The following CNTRL variants were observed in gnomAD, a reference collection of about 807,000 sequenced individuals.
CNTRL encodes centriolin.
In CNTRL, 233 loss-of-function variants were observed where a neutral mutation model predicts 303.7. The observed-to-expected ratio is 0.77, with a 90% CI of 0.69 to 0.86. The LOEUF (loss-of-function observed/expected upper bound fraction) is 0.86, where lower values mean the gene tolerates loss of function less well. CNTRL is among the 40% of genes least tolerant of loss of function. CNTRL has a pLI of 0.00. For synonymous variants in CNTRL, 900 were observed against 922.2 expected, an observed-to-expected ratio of 0.98 and a Z score of 0.44; for missense variants, 2,524 against 2,650.6, an observed-to-expected ratio of 0.95 and a Z score of 1.05.
At chr9:121,124,774 CAAA>C (rs5900470) in intron 13 of CNTRL, among the ~76,000 whole-genome samples, 2 of 102,114 alleles carry the variant, frequency 2.0e-5, no homozygotes. Context: ...CCCGTCTCTA[CAAA>C]AAAAAAAAAA....
intron 14 of CNTRL, among the ~76,000 whole-genome samples, chr9:121,131,399 C>T (rs1480269554): frequency 2.6e-5 from 4 of 152,274 alleles, no homozygotes; most frequent in African/African-American, 4.8e-5. Context: ...CCTTCTTTGT[C>T]GCTTTTGATC....
chr9:121,145,978 C>CA, intron 22 of CNTRL, 130 bp from the exon 23 acceptor site: 1 of 747,870 alleles, frequency 1.3e-6, no homozygotes, highest in Non-Finnish European at 2.1e-6. Flanking sequence ...TTTGACTTAC[C>CA]AAAGGGCAGA....
chr9:121,080,622 C>G (rs2048101045), intron 2 of CNTRL, 144 bp downstream of exon 2: 1 of 152,258 alleles, frequency 6.6e-6, no homozygotes, highest in Non-Finnish European at 1.5e-5. Flanking sequence ...AGTGATCAAA[C>G]TGGGAAAATA....
chr9:121,097,749 A>G (rs2048952753), intron 6 of CNTRL, among the ~76,000 whole-genome samples: 1 of 152,206 alleles, frequency 6.6e-6, no homozygotes, highest in Non-Finnish European at 1.5e-5. Context: ...CAGCTGTGCA[A>G]TAGGAAAATC....
chr9:121,148,530 C>T, intron 23 of CNTRL, 142 bp from the exon 24 acceptor site: 1 of 701,326 alleles, frequency 1.4e-6, no homozygotes, highest in Non-Finnish European at 2.4e-6. Flanking sequence ...CACCTCACTT[C>T]TGTGAAAAAT....
intron 14 of CNTRL, among the ~76,000 whole-genome samples, chr9:121,134,591 G>A (rs895762245): frequency 6.6e-6 from 1 of 152,078 alleles, no homozygotes; most frequent in African/African-American, 2.4e-5. Context: ...CACTGTACCC[G>A]GCCCTAAGGT....
chr9:121,128,972 C>T (rs1044086153), intron 14 of CNTRL, among the ~76,000 whole-genome samples: 1 of 151,296 alleles, frequency 6.6e-6, no homozygotes, highest in African/African-American at 2.4e-5. Context: ...TTTATTTCTG[C>T]AGTCTCTGTT....
intron 3 of CNTRL, among the ~76,000 whole-genome samples, chr9:121,089,792 T>C (rs1401330840): frequency 6.6e-6 from 1 of 152,180 alleles, no homozygotes; most frequent in Non-Finnish European, 1.5e-5. Context: ...AGTTCTGGAT[T>C]TGTGCCTTAA....
At chr9:121,121,351 A>C (rs1451505650) in intron 12 of CNTRL, among the ~76,000 whole-genome samples, 2 of 152,210 alleles carry the variant, frequency 1.3e-5, no homozygotes, top group African/African-American at 2.4e-5. Flanking sequence ...TTATTGTTTT[A>C]GAAAGAGGTG....
chr9:121,099,871 A>G (rs2049063927), intron 7 of CNTRL, among the ~76,000 whole-genome samples: 1 of 152,176 alleles, frequency 6.6e-6, no homozygotes, highest in African/African-American at 2.4e-5. Context: ...AAAGAGTAAA[A>G]AAAAATGAAC....
At chr9:121,091,699 C>T (rs568565853) in intron 4 of CNTRL, among the ~76,000 whole-genome samples, 1 of 152,048 alleles carries the variant, frequency 6.6e-6, no homozygotes, top group South Asian at 2.1e-4. Context: ...CAAAAATTAG[C>T]CAGGCGTAGT....
At position 121,146,221 on chromosome 9, in the gene CNTRL, T is replaced by C. The variant is rs1159903914; in HGVS notation, c.3424T>C (p.Tyr1142His). Reference protein sequence around the residue: ...SMADPFKRRGYWYFMPPPPSS... With the variant: ...SMADPFKRRGHWYFMPPPPSS... ...GGCAGATCCTTTCAAAAGACGAGGC[T>C]ATTGGTACTTTATGCCACCACCACC... Residue 1142 changes from tyrosine (Y) to histidine (H), a missense_variant, in exon 23 of 44, where the codon TAT (tyrosine) becomes CAT (histidine). Transcript: ENST00000373855. The C allele has an allele frequency of 1.2e-6, 2 of 1,613,220 alleles. No homozygotes were observed. The highest frequency in any genetic ancestry group is 1.7e-6 in the Non-Finnish European group (2 of 1,179,806).
chr9:121,158,514 G>T (rs77259556), intron 30 of CNTRL: 2 of 231,066 alleles, frequency 8.7e-6, no homozygotes, highest in African/African-American at 2.3e-5. Context: ...TTTTAAAAAT[G>T]AATACATTTT....
In CNTRL at chr9:121,169,675, G is replaced by C. The variant is rs368876846; in HGVS notation, c.6135G>C (p.Gln2045His). The C allele has an allele frequency of 1.2e-6, 2 of 1,614,062 alleles. No homozygotes were observed. Among genetic ancestry groups the C allele is most frequent in the Non-Finnish European group, 1.7e-6 (2 of 1,180,032 alleles). ...VEKSGELLALQKEADSMRADF... is the reference protein window; with the variant it reads ...VEKSGELLALHKEADSMRADF... The stretch of plus-strand genomic sequence containing the variant: ...AATCAGGTGAGCTGTTGGCCCTCCA[G>C]AAAGAGGCAGATTCTATGAGGGCAG... Residue 2045 changes from glutamine to histidine, a missense_variant, in exon 39 of 44, where the codon CAG becomes CAC. Gln to His is a conservative substitution (Grantham distance 24). Transcript: ENST00000373855.
Position 121,074,985 on chromosome 9 carries a change from C to T in CNTRL, c.-287C>T, listed in dbSNP as rs1422722029. On this transcript the variant is annotated 5_prime_UTR_variant, in exon 1 of 44. Transcript: ENST00000373855. Reference sequence around the variant, plus strand: ...GCACAACACAACAAAATGGCTGCCGCGCCGCTGGGCCCCTGAGGAAAGAGC... The same window carrying T: ...GCACAACACAACAAAATGGCTGCCGTGCCGCTGGGCCCCTGAGGAAAGAGC... The T allele has an allele frequency of 2.2e-6, 1 of 455,732 alleles. No homozygotes were observed. Among genetic ancestry groups the T allele is most frequent in the Non-Finnish European group, 4.4e-6 (1 of 226,612 alleles). The allele number at this position is 455,732 out of a possible 1,614,324, so 28.2% of individuals were successfully genotyped here. A position where few individuals can be genotyped will look rare whatever the true frequency, so the allele number is the denominator to read the frequency against.
At chr9:121,096,374 ACT>A in intron 5 of CNTRL, 46 bp from the exon 6 acceptor site, 6 of 1,180,550 alleles carry the variant, frequency 5.1e-6, no homozygotes, top group Non-Finnish European at 6.8e-6. Context: ...CAATGGAGAG[ACT>A]CTATAATTGT....
chr9:121,144,716 G>C lies in CNTRL; in HGVS notation c.3052-127G>C, dbSNP rs560169746. 2.0e-4 allele frequency: 157 copies of C among 765,988 alleles called. 2 individuals are homozygous for C. The South Asian group carries it at 2.5e-3, about 12-fold the overall frequency. The allele number at this position is 765,988 out of a possible 1,614,324, so 47.4% of individuals were successfully genotyped here. A position where few individuals can be genotyped will look rare whatever the true frequency, so the allele number is the denominator to read the frequency against. ...ACAACACAGGAGAAGGTGGGGCTTG[G>C]ATGTCCCTTTTCATGGACAGCCTGG... On this transcript the variant is annotated intron_variant, in intron 20 of 43. Transcript: ENST00000373855.
chr9:121,109,281 T>TA (rs748278188), intron 8 of CNTRL, among the ~76,000 whole-genome samples: 2 of 152,258 alleles, frequency 1.3e-5, no homozygotes, highest in East Asian at 3.9e-4. Flanking sequence ...ACCATCCTTT[T>TA]AAAAAAATAT....
intron 1 of CNTRL, among the ~76,000 whole-genome samples, chr9:121,078,172 C>T (rs753930846): frequency 3.3e-5 from 5 of 151,870 alleles, no homozygotes; most frequent in East Asian, 1.9e-4. Flanking sequence ...TTTGGGAGGC[C>T]GAGGTGGGTG....
Sources: gnomAD v4.1 joint callset for allele counts (sites outside exome capture counted in the v4.1 genomes callset) on GRCh38, gnomAD v4.1.1 for gene constraint, MANE v1.5 for transcripts, NCBI Gene and HGNC (gene_info 2026-07-23, HGNC 2026-07-21) for gene names.